Variants in TYW1 observed in about 807,000 individuals in gnomAD.
The protein encoded by TYW1 is S-adenosyl-L-methionine-dependent tRNA 4-demethylwyosine synthase TYW1.
A neutral mutation model predicts 96.2 loss-of-function variants in TYW1; 46 were observed. The observed-to-expected ratio is 0.48, with a 90% CI of 0.38 to 0.61. The LOEUF (loss-of-function observed/expected upper bound fraction) is 0.61, where lower values mean the gene tolerates loss of function less well. Among genes scored for constraint, TYW1 ranks in the 20% least tolerant of loss-of-function variants. The pLI is 0.00. For synonymous variants in TYW1, 274 were observed against 323.0 expected, an observed-to-expected ratio of 0.85 and a Z score of 1.63; for missense variants, 684 against 909.6, an observed-to-expected ratio of 0.75 and a Z score of 3.19.
intron 10 of TYW1, among the ~76,000 whole-genome samples, chr7:67,076,549 C>T (rs1796213371): frequency 6.6e-6 from 1 of 151,970 alleles, no homozygotes; most frequent in South Asian, 2.1e-4. Flanking sequence ...GATCTCAGCT[C>T]ACTGCAATCT....
At chr7:67,162,138 T>C (rs1799180230) in intron 13 of TYW1, among the ~76,000 whole-genome samples, 2 of 150,468 alleles carry the variant, frequency 1.3e-5, no homozygotes, top group Admixed American at 1.3e-4. Context: ...CTATTAAAAA[T>C]ACAAAAAAAA....
chr7:67,096,263 A>T (rs948653001), intron 11 of TYW1, among the ~76,000 whole-genome samples: 2 of 151,764 alleles, frequency 1.3e-5, no homozygotes, highest in African/African-American at 4.9e-5. Context: ...GGTGGTGGGC[A>T]CCTGTAGTCC....
At chr7:67,234,637 C>A (rs998351560) in intron 15 of TYW1, among the ~76,000 whole-genome samples, 2 of 139,900 alleles carry the variant, frequency 1.4e-5, no homozygotes, top group Non-Finnish European at 3.1e-5. Context: ...ACTTGGTCTT[C>A]CAGTTAGTTT....
chr7:67,130,881 C>T (rs1201038399), intron 13 of TYW1, among the ~76,000 whole-genome samples: 1 of 152,100 alleles, frequency 6.6e-6, no homozygotes, highest in East Asian at 1.9e-4. Context: ...CCCAGGAGAG[C>T]AGGGGTTGGT....
intron 13 of TYW1, among the ~76,000 whole-genome samples, chr7:67,157,855 G>A (rs542506878): frequency 6.6e-6 from 1 of 152,252 alleles, no homozygotes; most frequent in Admixed American, 6.5e-5. Flanking sequence ...ATGAAATCGT[G>A]CTTATGTGTT....
At position 67,013,727 on chromosome 7, in the gene TYW1, C is replaced by T. The variant is rs184397900; in HGVS notation, c.376-640C>T. On this transcript the variant is annotated intron_variant, in intron 4 of 15. Coordinates refer to ENST00000359626, the MANE Select transcript of TYW1 (RefSeq NM_018264.4). ...GTAGCCACCGTGCCTGGCCATCTCTCTGCATTTTTTCCTTTTTTTTTTTTT... is the reference window on the plus strand; with the variant it reads ...GTAGCCACCGTGCCTGGCCATCTCTTTGCATTTTTTCCTTTTTTTTTTTTT... Among the ~76,000 whole-genome samples the T allele has an allele frequency of 6.9e-3, 1,002 of 145,702 alleles. 17 individuals are homozygous for T. The highest frequency in any genetic ancestry group is 0.024 in the African/African-American group (943 of 39,186).
chr7:67,048,200 T>TAAC (rs1479024300), intron 7 of TYW1, among the ~76,000 whole-genome samples: 27 of 148,396 alleles, frequency 1.8e-4, no homozygotes, highest in Non-Finnish European at 3.9e-4. Flanking sequence ...CTCCCCTAGG[T>TAAC]ACCCTTTGTA....
At chr7:67,027,446 G>A (rs1302835164) in intron 7 of TYW1, among the ~76,000 whole-genome samples, 1 of 151,934 alleles carries the variant, frequency 6.6e-6, no homozygotes, top group Admixed American at 6.6e-5. Flanking sequence ...ATGGATTATT[G>A]TATAACCTGG....
chr7:67,180,570 G>A (rs1335539390), intron 13 of TYW1, among the ~76,000 whole-genome samples: 4 of 150,938 alleles, frequency 2.7e-5, no homozygotes, highest in Non-Finnish European at 4.4e-5. Flanking sequence ...ATTATAACTT[G>A]TAGAAAAGTG....
chr7:67,022,306 A>T (rs183014510), intron 6 of TYW1, among the ~76,000 whole-genome samples: 4 of 152,182 alleles, frequency 2.6e-5, no homozygotes, highest in Admixed American at 2.6e-4. Flanking sequence ...AGAGGGGCAG[A>T]TTTGCATAGT....
rs749527876 is a variant in TYW1, at chr7:66,998,890, A to T, written c.209A>T (p.Gln70Leu). Reference sequence around the variant, plus strand: ...ATGACAAATGGTTATGTCTCCCTTCAAGAGAAAGACATCTTTGTGTCTGGA... The same window carrying T: ...ATGACAAATGGTTATGTCTCCCTTCTAGAGAAAGACATCTTTGTGTCTGGA... ...DLMTNGYVSL[Q>L]EKDIFVSGVK... The change falls in exon 3 of 16, where the codon CAA becomes CTA. Residue 70 changes from glutamine to leucine, a missense_variant. Physicochemically the swap from Gln to Leu is moderately radical, Grantham distance 113. Coordinates refer to ENST00000359626, the MANE Select transcript of TYW1 (RefSeq NM_018264.4). 6.2e-7 allele frequency: 1 copy of T among 1,614,006 alleles called. No individual in the cohort carries two copies. The highest frequency in any genetic ancestry group is 8.5e-7 in the Non-Finnish European group (1 of 1,179,986).
chr7:67,213,171 C>G (rs1306054470), intron 15 of TYW1, among the ~76,000 whole-genome samples: 3 of 135,818 alleles, frequency 2.2e-5, no homozygotes, highest in Admixed American at 7.3e-5. Flanking sequence ...CACGCCCGGC[C>G]CTTTTTTTTT....
At chr7:67,082,867 C>T (rs945680770) in intron 10 of TYW1, among the ~76,000 whole-genome samples, 1 of 151,948 alleles carries the variant, frequency 6.6e-6, no homozygotes, top group African/African-American at 2.4e-5. Flanking sequence ...GTGGTGGGAC[C>T]TCAGGAATAT....
rs558903803 is a variant in TYW1, at chr7:67,141,830, G to C, written c.1698+24212G>C. Reference sequence around the variant, plus strand: ...GCGGGTGGATCACTTGAGTTCAAGAGTTTGAGACCACCCTGACCAACATGG... The same window carrying C: ...GCGGGTGGATCACTTGAGTTCAAGACTTTGAGACCACCCTGACCAACATGG... On this transcript the variant is annotated intron_variant, in intron 13 of 15. Coordinates refer to ENST00000359626, the MANE Select transcript of TYW1 (RefSeq NM_018264.4). 5.3e-5 allele frequency among the ~76,000 whole-genome samples: 8 copies of C among 152,338 alleles called. 1 individual carries two copies. The South Asian group carries it at 1.7e-3, about 32-fold the overall frequency.
intron 13 of TYW1, among the ~76,000 whole-genome samples, chr7:67,180,417 TATATATAA>T (rs1799802552): frequency 4.0e-5 from 5 of 124,596 alleles, no homozygotes; most frequent in African/African-American, 9.9e-5. Context: ...TATATATATA[TATATATAA>T]TTTTTTTTTT....
At chr7:67,023,263 A>G (rs1794339104) in intron 6 of TYW1, among the ~76,000 whole-genome samples, 1 of 151,786 alleles carries the variant, frequency 6.6e-6, no homozygotes, top group Non-Finnish European at 1.5e-5. Flanking sequence ...CGCTCGGCTA[A>G]TTTTTGTATT....
rs1799109243 is a variant in TYW1, at chr7:67,159,966, A to G, written c.1699-23160A>G. The stretch of plus-strand genomic sequence containing the variant: ...CAGGCGCCCGCCACCACGCCCGGCT[A>G]ATGTTTTGTATTTTTTTTAGTAGAG... On this transcript the variant is annotated intron_variant, in intron 13 of 15. Coordinates refer to ENST00000359626, the MANE Select transcript of TYW1 (RefSeq NM_018264.4). Among the ~76,000 whole-genome samples, 2 of 131,608 alleles carry G rather than the reference A, an allele frequency of 1.5e-5. 1 individual carries two copies. Among genetic ancestry groups the G allele is most frequent in the South Asian group, 4.7e-4 (2 of 4,224 alleles). 86.3% of individuals were successfully genotyped at this position (131,608 alleles called of 152,430 possible).
chr7:67,099,570 C>T lies in TYW1; in HGVS notation c.1562+852C>T, dbSNP rs556037429. On this transcript the variant is annotated intron_variant, in intron 12 of 15. Transcript: ENST00000359626. ...GCGGTCCTTTGGAAAGATCTTGTTT[C>T]CTGCAGAGCAGTCTGCTGGCATGGT... Among the ~76,000 whole-genome samples the T allele has an allele frequency of 6.6e-5, 10 of 152,256 alleles. No individual in the cohort carries two copies. In the South Asian group the frequency reaches 2.1e-3, roughly 32 times the overall value.
intron 15 of TYW1, among the ~76,000 whole-genome samples, chr7:67,213,608 A>G (rs1361626138): frequency 6.6e-6 from 1 of 152,184 alleles, no homozygotes; most frequent in Non-Finnish European, 1.5e-5. Flanking sequence ...TCATTGTGAC[A>G]TTCAAGGTCA....
Sources: allele counts gnomAD v4.1 joint callset (sites outside exome capture counted in the v4.1 genomes callset), GRCh38; gene constraint gnomAD v4.1.1; transcripts MANE v1.5; gene names NCBI Gene and HGNC (gene_info 2026-07-23, HGNC 2026-07-21).